The following CAMTA1 variants were observed in gnomAD, a reference collection of about 807,000 sequenced individuals.
CAMTA1 encodes the protein calmodulin-binding transcription activator 1.
A neutral mutation model predicts 170.9 loss-of-function variants in CAMTA1; 27 were observed. The ratio of observed to expected loss-of-function variants is 0.16; its 90% CI spans 0.12 to 0.22. CAMTA1 has a LOEUF of 0.22. CAMTA1 is among the 10% of genes least tolerant of loss of function. The pLI, the probability that CAMTA1 is intolerant of heterozygous loss-of-function variation, is 1.00. For synonymous variants in CAMTA1, 833 were observed against 891.5 expected (o/e 0.93, Z 1.17); for missense variants, 1,619 against 2,217.2 (o/e 0.73, Z 5.42).
rs1032204888 is a variant in CAMTA1 at position 7,415,253 on chromosome 1, G to A, written c.439-52577G>A. 2.2e-3 allele frequency among the ~76,000 whole-genome samples: 332 copies of A among 152,032 alleles called. 1 individual carries two copies. Among genetic ancestry groups the A allele is most frequent in the African/African-American group, 7.9e-3 (327 of 41,498 alleles). On this transcript the variant is annotated intron_variant, in intron 5 of 22. Coordinates refer to ENST00000303635, the MANE Select transcript of CAMTA1 (RefSeq NM_015215.4). Reference sequence around the variant, plus strand: ...ATATTCTGTTGATTTGGGGTGGAGAGCTCTGTAGACATCTATTAGGTCTGC... The same window carrying A: ...ATATTCTGTTGATTTGGGGTGGAGAACTCTGTAGACATCTATTAGGTCTGC...
At chr1:7,417,772 G>A (rs369041029) in intron 5 of CAMTA1, among the ~76,000 whole-genome samples, 8 of 152,034 alleles carry the variant, frequency 5.3e-5, no homozygotes, top group Middle Eastern at 3.2e-3. Flanking sequence ...ACAGTGTGCC[G>A]CACCCACTGT....
chr1:7,377,458 GC>G (rs1205929864), intron 5 of CAMTA1, among the ~76,000 whole-genome samples: 1 of 152,090 alleles, frequency 6.6e-6, no homozygotes, highest in Non-Finnish European at 1.5e-5. Flanking sequence ...GTCATCTCAG[GC>G]CCCAGATATT....
intron 6 of CAMTA1, among the ~76,000 whole-genome samples, chr1:7,552,638 A>G (rs1012587805): frequency 6.6e-6 from 1 of 152,218 alleles, no homozygotes; most frequent in African/African-American, 2.4e-5. Flanking sequence ...ACGCATATCC[A>G]GGAGGTTGCT....
intron 3 of CAMTA1, among the ~76,000 whole-genome samples, 176 bp from the exon 4 acceptor site, chr1:7,091,128 A>C (rs191053593): frequency 4.9e-4 from 75 of 152,222 alleles, no homozygotes; most frequent in African/African-American, 1.7e-3. Flanking sequence ...GGTTGAATGG[A>C]AAGGCCTTAA....
chr1:7,087,962 G>A (rs1640967491), intron 3 of CAMTA1, among the ~76,000 whole-genome samples: 1 of 152,194 alleles, frequency 6.6e-6, no homozygotes, highest in African/African-American at 2.4e-5. Context: ...TTTGCAGGGC[G>A]GGCTCACCTG....
At position 7,768,371 on chromosome 1, in the gene CAMTA1, C is replaced by T. The variant is rs1246686621; in HGVS notation, c.*1880C>T. The T allele has an allele frequency of 6.5e-6, 1 of 152,852 alleles. No individual in the cohort carries two copies. Among genetic ancestry groups the T allele is most frequent in the East Asian group, 1.9e-4 (1 of 5,320 alleles). The allele number at this position is 152,852 out of a possible 1,614,324, so 9.5% of individuals were successfully genotyped here. Reference sequence around the variant, plus strand: ...AGAATAAAGTTCGTATTTGCTGATGCCAGTTTAAAATTCCCAGGTTACGTC... The same window carrying T: ...AGAATAAAGTTCGTATTTGCTGATGTCAGTTTAAAATTCCCAGGTTACGTC... On this transcript the variant is annotated 3_prime_UTR_variant, in exon 23 of 23. Transcript: ENST00000303635.
intron 4 of CAMTA1, among the ~76,000 whole-genome samples, chr1:7,095,196 A>G (rs1227794786): frequency 6.6e-6 from 1 of 152,192 alleles, no homozygotes; most frequent in Non-Finnish European, 1.5e-5. Flanking sequence ...GTTAGCACGA[A>G]GAGGAGAGGG....
intron 18 of CAMTA1, 83 bp downstream of exon 18, chr1:7,746,174 C>T (rs1403022869): frequency 6.8e-7 from 1 of 1,475,850 alleles, no homozygotes; most frequent in Admixed American, 2.2e-5. Flanking sequence ...CGAACAAAAA[C>T]ATTTACTATT....
At chr1:7,319,679 A>T (rs2412122) in intron 5 of CAMTA1, among the ~76,000 whole-genome samples, 73,307 of 152,068 alleles carry the variant, frequency 0.48, 19,791 homozygotes, top group African/African-American at 0.72. Flanking sequence ...TCATTCACTC[A>T]TTCAGCAAAT....
At chr1:7,242,023 G>A (rs1664950413) in intron 4 of CAMTA1, among the ~76,000 whole-genome samples, 1 of 152,194 alleles carries the variant, frequency 6.6e-6, no homozygotes, top group African/African-American at 2.4e-5. Flanking sequence ...ACAAGTTATG[G>A]ATTGGGAGAA....
intron 4 of CAMTA1, among the ~76,000 whole-genome samples, chr1:7,203,550 A>G (rs1239416971): frequency 1.4e-5 from 2 of 147,632 alleles, no homozygotes; most frequent in African/African-American, 5.0e-5. Context: ...GTATTAATAT[A>G]TTCAGACCAT....
chr1:7,124,802 C>A (rs188136728), intron 4 of CAMTA1, among the ~76,000 whole-genome samples: 3 of 152,190 alleles, frequency 2.0e-5, no homozygotes, highest in Non-Finnish European at 2.9e-5. Flanking sequence ...GAAGATTTAA[C>A]GTCGCCCTCC....
At chr1:7,260,796 C>T (rs1434527986) in intron 5 of CAMTA1, among the ~76,000 whole-genome samples, 1 of 152,180 alleles carries the variant, frequency 6.6e-6, no homozygotes, top group Non-Finnish European at 1.5e-5. Flanking sequence ...CATGACAGCA[C>T]GAGAAAACTG....
At chr1:7,083,293 T>G (rs1385930579) in intron 3 of CAMTA1, among the ~76,000 whole-genome samples, 2 of 152,272 alleles carry the variant, frequency 1.3e-5, no homozygotes, top group Non-Finnish European at 2.9e-5. Context: ...TCTTAACCAC[T>G]GCCACTTTCA....
intron 5 of CAMTA1, among the ~76,000 whole-genome samples, chr1:7,421,878 C>G (rs2091582959): frequency 6.6e-6 from 1 of 152,148 alleles, no homozygotes; most frequent in African/African-American, 2.4e-5. Context: ...GCAGCGCTCA[C>G]TCCACACTGG....
intron 3 of CAMTA1, among the ~76,000 whole-genome samples, chr1:6,883,427 C>CT (rs1201434304): frequency 1.3e-5 from 2 of 152,076 alleles, no homozygotes; most frequent in Non-Finnish European, 2.9e-5. Flanking sequence ...TTTCGGCAGC[C>CT]TAAGTGTAGG....
chr1:7,332,046 G>A (rs1469337875), intron 5 of CAMTA1, among the ~76,000 whole-genome samples: 1 of 152,106 alleles, frequency 6.6e-6, no homozygotes, highest in Non-Finnish European at 1.5e-5. Context: ...CTTATTACAC[G>A]GTTCCAGGGA....
intron 3 of CAMTA1, among the ~76,000 whole-genome samples, chr1:7,051,279 G>A (rs1470560155): frequency 1.3e-5 from 2 of 152,170 alleles, no homozygotes; most frequent in Non-Finnish European, 2.9e-5. Flanking sequence ...TTGGGAGATG[G>A]CCACGTGCAG....
At chr1:7,704,072 G>C (rs989427640) in intron 11 of CAMTA1, among the ~76,000 whole-genome samples, 2 of 151,436 alleles carry the variant, frequency 1.3e-5, no homozygotes, top group African/African-American at 4.8e-5. Flanking sequence ...CCGGGTCCTC[G>C]GGCCCCGGCC....
Sources: gnomAD v4.1 joint callset for allele counts (sites outside exome capture counted in the v4.1 genomes callset) on GRCh38, gnomAD v4.1.1 for gene constraint, MANE v1.5 for transcripts, NCBI Gene and HGNC (gene_info 2026-07-23, HGNC 2026-07-21) for gene names.